Variants in NLGN4X observed in about 807,000 individuals in gnomAD.
NLGN4X encodes the protein neuroligin-4, X-linked.
Under a neutral mutation model 40.3 loss-of-function variants are expected in NLGN4X, and 3 were observed. The observed-to-expected ratio is 0.07, with a 90% CI of 0.03 to 0.19. NLGN4X has a LOEUF of 0.19. NLGN4X is among the 10% of genes least tolerant of loss of function. NLGN4X has a pLI of 1.00. For missense variants in NLGN4X, 382 were observed against 708.3 expected (o/e 0.54, Z 5.23); for synonymous variants, 270 against 306.8 (o/e 0.88, Z 1.25).
intron 5 of NLGN4X, among the ~76,000 whole-genome samples, chrX:5,898,010 C>G (rs894164813): frequency 2.1e-5 from 2 of 96,708 alleles, no homozygotes; most frequent in African/African-American, 7.7e-5. Context: ...CTCCCTCTTC[C>G]TTCCTCCCTC....
chrX:6,202,849 C>T (rs115257129), intron 1 of NLGN4X, among the ~76,000 whole-genome samples: 2,820 of 111,932 alleles, frequency 0.025, 105 homozygotes, highest in African/African-American at 0.087. Context: ...AACTCTCTCC[C>T]TTTTCTTAAC....
intron 3 of NLGN4X, among the ~76,000 whole-genome samples, chrX:5,931,501 G>A (rs192345420): frequency 7.8e-4 from 87 of 111,994 alleles, no homozygotes; most frequent in African/African-American, 2.6e-3. Context: ...AATGAAGGAA[G>A]CTATCAAATA....
At chrX:6,068,694 T>C (rs751231409) in intron 2 of NLGN4X, among the ~76,000 whole-genome samples, 2 of 112,315 alleles carry the variant, frequency 1.8e-5, no homozygotes, top group South Asian at 7.4e-4. Flanking sequence ...TCAGCAGATC[T>C]AGGTGTGTCC....
chrX:6,157,218 G>A (rs756513535), intron 1 of NLGN4X, among the ~76,000 whole-genome samples: 1 of 111,477 alleles, frequency 9.0e-6, no homozygotes, highest in African/African-American at 3.3e-5. Flanking sequence ...CACCATTTCT[G>A]TTCTTCCACT....
At chrX:6,117,066 G>A (rs1010159189) in intron 2 of NLGN4X, among the ~76,000 whole-genome samples, 1 of 111,004 alleles carries the variant, frequency 9.0e-6, no homozygotes, top group Admixed American at 9.6e-5. Flanking sequence ...GGGATTAGCC[G>A]TTCACCTTAT....
intron 2 of NLGN4X, among the ~76,000 whole-genome samples, chrX:6,090,822 C>T (rs1308872040): frequency 9.6e-6 from 1 of 103,847 alleles, no homozygotes; most frequent in African/African-American, 4.2e-5. Context: ...CCACTGTCAT[C>T]TACTGGGCAG....
rs144584401 is a variant in NLGN4X at position 5,903,628 on chromosome X, T to C, written c.1050A>G (p.Pro350=). 9 of 1,209,461 alleles carry C rather than the reference T, an allele frequency of 7.4e-6. No individual in the cohort carries two copies. Among genetic ancestry groups the C allele is most frequent in the South Asian group, 1.8e-5 (1 of 56,703 alleles). Residue 350 remains proline (P), a synonymous_variant, in exon 5 of 6, where the codon CCA becomes CCG. Transcript: ENST00000381095. Reference sequence around the variant, plus strand: ...GCTCCATCAGGATCTGGGGGTCGTCTGGGATGACGTCGCCGTCGATCACCG... The same window carrying C: ...GCTCCATCAGGATCTGGGGGTCGTCCGGGATGACGTCGCCGTCGATCACCG... The part of the protein sequence containing the change: ...FGPVIDGDVI[P]DDPQILMEQG...
At chrX:6,161,485 T>A (rs1456970548) in intron 1 of NLGN4X, among the ~76,000 whole-genome samples, 1 of 102,437 alleles carries the variant, frequency 9.8e-6, no homozygotes, top group African/African-American at 3.5e-5. Context: ...ATAAAATATA[T>A]TATTCTATAT....
chrX:6,142,609 G>A (rs191462273), intron 2 of NLGN4X, among the ~76,000 whole-genome samples: 126 of 112,169 alleles, frequency 1.1e-3, no homozygotes, highest in African/African-American at 4.0e-3. Context: ...CACAGTTTTC[G>A]TTTTTCACCT....
chrX:6,099,078 C>A (rs773457281), intron 2 of NLGN4X, among the ~76,000 whole-genome samples: 5 of 112,009 alleles, frequency 4.5e-5, no homozygotes, highest in Non-Finnish European at 7.5e-5. Context: ...TTAGACATCG[C>A]CAAATGTCCC....
At chrX:5,991,864 C>T (rs1463142156) in intron 3 of NLGN4X, among the ~76,000 whole-genome samples, 2 of 111,787 alleles carry the variant, frequency 1.8e-5, no homozygotes, top group African/African-American at 6.5e-5. Context: ...CAATCTAATT[C>T]CATTTAATGA....
rs1005955237 is a variant in NLGN4X, at chrX:6,148,932, C to T, written c.472+2063G>A. Among the ~76,000 whole-genome samples the T allele has an allele frequency of 2.7e-5, 3 of 112,071 alleles. No homozygotes were observed. In the East Asian group the frequency reaches 8.4e-4, roughly 31 times the overall value. ...AAACATGCAGGGCTGTAGCTTTGAA[C>T]TCTCACCAGCAAAATTCTAAAGTTT... On this transcript the variant is annotated intron_variant, in intron 2 of 5. Coordinates refer to ENST00000381095, the MANE Select transcript of NLGN4X (RefSeq NM_181332.3).
At chrX:5,967,652 G>C (rs72627593) in intron 3 of NLGN4X, among the ~76,000 whole-genome samples, 18,820 of 111,161 alleles carry the variant, frequency 0.17, 1,203 homozygotes, top group East Asian at 0.27. Flanking sequence ...TCTAGTCAAA[G>C]GTTATTTTTT....
At chrX:6,140,161 C>T (rs1390877369) in intron 2 of NLGN4X, among the ~76,000 whole-genome samples, 1 of 111,367 alleles carries the variant, frequency 9.0e-6, no homozygotes, top group Non-Finnish European at 1.9e-5. Flanking sequence ...TGTTGAAACC[C>T]ACCACAAGAG....
intron 3 of NLGN4X, among the ~76,000 whole-genome samples, chrX:5,980,421 GCTT>G (rs1409162532): frequency 1.9e-5 from 2 of 107,497 alleles, no homozygotes; most frequent in Non-Finnish European, 3.8e-5. Flanking sequence ...TAAAAATCAA[GCTT>G]CTTGTTTTAA....
chrX:5,945,642 T>C (rs1414910721), intron 3 of NLGN4X, among the ~76,000 whole-genome samples: 1 of 111,315 alleles, frequency 9.0e-6, no homozygotes, highest in African/African-American at 3.3e-5. Flanking sequence ...GTTTTTAACA[T>C]AGAAGATTCT....
In NLGN4X at chrX:6,151,553, G is replaced by A; in HGVS notation, c.-87C>T. On this transcript the variant is annotated 5_prime_UTR_variant, in exon 2 of 6. Coordinates refer to ENST00000381095, the MANE Select transcript of NLGN4X (RefSeq NM_181332.3). ...CCAGAGGCGAGCCTGCAGAGAGATA[G>A]GGCTTTCCAGGGAGCAGTAGACCTG... 1.3e-6 allele frequency: 1 copy of A among 757,582 alleles called. No homozygotes were observed. The highest frequency in any genetic ancestry group is 2.5e-5 in the Admixed American group (1 of 40,108). 62.4% of individuals were successfully genotyped at this position (757,582 alleles called of 1,213,427 possible). A position where few individuals can be genotyped will look rare whatever the true frequency, so the allele number is the denominator to read the frequency against.
chrX:5,997,619 TATATATATATATAC>T (rs2035864243), intron 3 of NLGN4X, among the ~76,000 whole-genome samples: 1 of 27,985 alleles, frequency 3.6e-5, no homozygotes, highest in Non-Finnish European at 6.0e-5. Context: ...TATACACATA[TATATATATATATAC>T]ACACGTATAT....
chrX:6,139,615 TCAA>T (rs1381612235), intron 2 of NLGN4X, among the ~76,000 whole-genome samples: 2 of 112,093 alleles, frequency 1.8e-5, no homozygotes, highest in African/African-American at 6.5e-5. Flanking sequence ...AACTTTTCTA[TCAA>T]GGATCCTCCA....
Sources: gnomAD v4.1 joint callset for allele counts (sites outside exome capture counted in the v4.1 genomes callset) on GRCh38, gnomAD v4.1.1 for gene constraint, MANE v1.5 for transcripts, NCBI Gene and HGNC (gene_info 2026-07-23, HGNC 2026-07-21) for gene names.